NLRC3: variants seen among roughly 807,000 people sequenced by gnomAD.
NLRC3 encodes the protein NLR family CARD domain-containing protein 3.
Under a neutral mutation model 91.6 loss-of-function variants are expected in NLRC3, and 87 were observed. The ratio of observed to expected loss-of-function variants is 0.95; its 90% CI spans 0.80 to 1.14. The LOEUF (loss-of-function observed/expected upper bound fraction) is 1.14. NLRC3 is among the 50% of genes most tolerant of loss of function. NLRC3 has a pLI of 0.00. For missense variants in NLRC3, 1,577 were observed against 1,418.6 expected (o/e 1.11, Z -1.79); for synonymous variants, 694 against 625.3 (o/e 1.11, Z -1.64).
At chr16:3,570,856 G>T (rs1489173138) in intron 1 of NLRC3, among the ~76,000 whole-genome samples, 1 of 152,136 alleles carries the variant, frequency 6.6e-6, no homozygotes, top group African/African-American at 2.4e-5. Flanking sequence ...GCCACTGGGG[G>T]GAGTGACATG....
chr16:3,550,763 T>G (rs890143753), intron 10 of NLRC3, among the ~76,000 whole-genome samples: 2 of 151,874 alleles, frequency 1.3e-5, no homozygotes, highest in East Asian at 1.9e-4. Context: ...TTTTGGGGGG[T>G]TTTTGTGAAG....
chr16:3,569,393 TATTA>T (rs1436003374), intron 1 of NLRC3, among the ~76,000 whole-genome samples: 1,610 of 29,930 alleles, frequency 0.054, 35 homozygotes, highest in Non-Finnish European at 0.075. Context: ...TATATATATA[TATTA>T]TTTTTTTTTT....
Position 3,544,274 on chromosome 16 carries a change from TCA to T in NLRC3, c.2825_2826del (p.Leu942GlnfsTer122). On this transcript the variant is annotated frameshift_variant, in exon 16 of 20. Transcript: ENST00000359128. LOFTEE classifies it high-confidence loss of function. ...AGAGCAGTGAGGGCTGTGTTGACCT[TCA>T]GTGCACGGGCCACCGCACACGCTCC... ...DDGACAVARA[L>X]KVNTALTALY... The T allele has an allele frequency of 6.2e-7, 1 of 1,612,920 alleles. No individual in the cohort carries two copies. The highest frequency in any genetic ancestry group is 8.5e-7 in the Non-Finnish European group (1 of 1,179,074).
At chr16:3,569,018 A>T (rs1266682441) in intron 1 of NLRC3, among the ~76,000 whole-genome samples, 1 of 152,098 alleles carries the variant, frequency 6.6e-6, no homozygotes, top group African/African-American at 2.4e-5. Flanking sequence ...CAGGTTTTCA[A>T]ATTACTTCAG....
At chr16:3,576,950 G>A (rs557870663) in intron 1 of NLRC3, among the ~76,000 whole-genome samples, 199 bp downstream of exon 1, 2 of 152,328 alleles carry the variant, frequency 1.3e-5, no homozygotes, top group Middle Eastern at 3.4e-3. Context: ...GATTACAGGC[G>A]TGAGCCACCG....
At chr16:3,545,948 G>A (rs1316787194) in intron 15 of NLRC3, among the ~76,000 whole-genome samples, 1 of 152,168 alleles carries the variant, frequency 6.6e-6, no homozygotes, top group African/African-American at 2.4e-5. Flanking sequence ...AAGGTCTCTG[G>A]CCAGCAGTGT....
chr16:3,553,903 G>C lies in NLRC3; in HGVS notation c.2267+339C>G, dbSNP rs1471988111. 2.0e-5 allele frequency among the ~76,000 whole-genome samples: 3 copies of C among 148,306 alleles called. No homozygotes were observed. The East Asian group carries it at 5.9e-4, about 29-fold the overall frequency. ...ACTACAGGCTTGCACCACCATGCCT[G>C]GTTAATTTTTTTTTTTTTTTTTTAG... On this transcript the variant is annotated intron_variant, in intron 9 of 19. Transcript: ENST00000359128.
chr16:3,551,762 C>A (rs1018801878), intron 10 of NLRC3, among the ~76,000 whole-genome samples: 431 of 79,674 alleles, frequency 5.4e-3, no homozygotes, highest in Non-Finnish European at 9.1e-3. Flanking sequence ...CACCAGTCCT[C>A]TCACCCATCC....
At chr16:3,542,034 C>A in intron 19 of NLRC3, 119 bp from the exon 20 acceptor site, 6 of 802,596 alleles carry the variant, frequency 7.5e-6, no homozygotes, top group Non-Finnish European at 1.1e-5. Flanking sequence ...GATCCCCTCG[C>A]TACATGGACA....
In NLRC3 at chr16:3,556,318, CAAAAAAAAAAAAAAAAAAAAA is replaced by C. The variant is rs199528753; in HGVS notation, c.2183+572_2183+592del. ...TGGGTGACAAAGAAAGAATCCGTCT[CAAAAAAAAAAAAAAAAAAAAA>C]AAAAAAAAAAAAAAAGAGACGTAAC... On this transcript the variant is annotated intron_variant, in intron 8 of 19. Coordinates refer to ENST00000359128, the MANE Select transcript of NLRC3 (RefSeq NM_178844.4). Among the ~76,000 whole-genome samples, 16 of 38,782 alleles carry C rather than the reference CAAAAAAAAAAAAAAAAAAAAA, an allele frequency of 4.1e-4. No homozygotes were observed. The East Asian group carries it at 4.8e-3, about 12-fold the overall frequency. 25.4% of individuals were successfully genotyped at this position (38,782 alleles called of 152,430 possible).
intron 5 of NLRC3, 147 bp downstream of exon 5, chr16:3,562,862 C>T (rs1215277431): frequency 2.6e-6 from 2 of 781,716 alleles, no homozygotes; most frequent in Non-Finnish European, 4.4e-6. Context: ...AGAAAACACA[C>T]TTTAGTTGTT....
At chr16:3,573,981 T>G (rs2040191194) in intron 1 of NLRC3, among the ~76,000 whole-genome samples, 1 of 145,728 alleles carries the variant, frequency 6.9e-6, no homozygotes, top group South Asian at 2.2e-4. Context: ...AGGACCACCA[T>G]GCTTGGCCCA....
chr16:3,552,489 A>G (rs548691618), intron 9 of NLRC3, among the ~76,000 whole-genome samples: 29 of 152,328 alleles, frequency 1.9e-4, no homozygotes, highest in African/African-American at 7.0e-4. Context: ...GGGTCAGGGC[A>G]GCTGAGCCTC....
rs2151101072 is a variant in NLRC3 at position 3,564,537 on chromosome 16, C to T, written c.400G>A (p.Val134Met). The T allele has an allele frequency of 6.2e-7, 1 of 1,612,090 alleles. No homozygotes were observed. The highest frequency in any genetic ancestry group is 8.5e-7 in the Non-Finnish European group (1 of 1,179,630). Reference protein sequence around the residue: ...LDRLFLPLSRVSVPPRVSITI... With the variant: ...LDRLFLPLSRMSVPPRVSITI... Reference sequence around the variant, plus strand: ...ATGGAGACCCGGGGTGGGACAGACACCCGGGAGAGAGGCAGGAAGAGCCGG... The same window carrying T: ...ATGGAGACCCGGGGTGGGACAGACATCCGGGAGAGAGGCAGGAAGAGCCGG... Residue 134 changes from valine (V) to methionine (M), a missense_variant, in exon 5 of 20, where the codon GTG becomes ATG. Coordinates refer to ENST00000359128, the MANE Select transcript of NLRC3 (RefSeq NM_178844.4). This position sits in a 1 kb window ranked among gnomAD's most constrained non-coding sequence, Gnocchi z 5.9.
In NLRC3 at chr16:3,548,236, CAT is replaced by C. The variant is rs764780398; in HGVS notation, c.2688-20_2688-19del. ...ACTGCAGGCTGGGCAGACACAGACA[CAT>C]GTGACTATGTGACTATGTGACTATG... On this transcript the variant is annotated intron_variant, in intron 14 of 19. Transcript: ENST00000359128. 32 of 1,577,052 alleles carry C rather than the reference CAT, an allele frequency of 2.0e-5. No homozygotes were observed. The highest frequency in any genetic ancestry group is 1.7e-4 in the Middle Eastern group (1 of 6,046).
intron 1 of NLRC3, among the ~76,000 whole-genome samples, chr16:3,576,936 T>C (rs1395523874): frequency 2.0e-5 from 3 of 152,100 alleles, no homozygotes; most frequent in Non-Finnish European, 2.9e-5. Flanking sequence ...TCCCAAAGTG[T>C]TGGGATTACA....
chr16:3,549,058 G>T, intron 13 of NLRC3, 84 bp downstream of exon 13: 1 of 1,055,282 alleles, frequency 9.5e-7, no homozygotes, highest in Non-Finnish European at 1.4e-6. Context: ...CTGTGACGTG[G>T]CGAGGGTGCC....
Position 3,564,028 on chromosome 16 carries a change from G to C in NLRC3, c.909C>G (p.Pro303=). The change falls in exon 5 of 20, where the codon CCC becomes CCG. Residue 303 remains proline (P), a synonymous_variant. Coordinates refer to ENST00000359128, the MANE Select transcript of NLRC3 (RefSeq NM_178844.4). This position sits in a 1 kb window ranked among gnomAD's most constrained non-coding sequence, Gnocchi z 5.9. Reference sequence around the variant, plus strand: ...TCCAGCCCAGAAGGGCCTGGTCCTCGGGGAACATCTGCTCCAAACACACCT... The same window carrying C: ...TCCAGCCCAGAAGGGCCTGGTCCTCCGGGAACATCTGCTCCAAACACACCT... ...EIKVCLEQMF[P]EDQALLGWML... The C allele has an allele frequency of 1.2e-6, 2 of 1,610,920 alleles. No homozygotes were observed. The highest frequency in any genetic ancestry group is 1.7e-6 in the Non-Finnish European group (2 of 1,179,852).
chr16:3,554,335 CAAG>C lies in NLRC3; in HGVS notation c.2184-13_2184-11del. On this transcript the variant is annotated splice_polypyrimidine_tract_variant and intron_variant, in intron 8 of 19. Coordinates refer to ENST00000359128, the MANE Select transcript of NLRC3 (RefSeq NM_178844.4). ...GGTGTTGCCCTGGAGGCTGCAGAGA[CAAG>C]AAGAGGCTCATCACTGATGGAGCAG... 1.2e-6 allele frequency: 2 copies of C among 1,606,052 alleles called. No homozygotes were observed. Among genetic ancestry groups the C allele is most frequent in the Non-Finnish European group, 1.7e-6 (2 of 1,172,990 alleles).
Sources: gnomAD v4.1 joint callset for allele counts (sites outside exome capture counted in the v4.1 genomes callset) on GRCh38, gnomAD v4.1.1 for gene constraint, Gnocchi (gnomAD v3.1) non-coding constraint, MANE v1.5 for transcripts, NCBI Gene and HGNC (gene_info 2026-07-23, HGNC 2026-07-21) for gene names.